Variants in DSN1 observed in about 807,000 individuals in gnomAD.
DSN1 encodes the protein kinetochore-associated protein DSN1 homolog.
Under a neutral mutation model 45.7 loss-of-function variants are expected in DSN1, and 31 were observed. That is an observed-to-expected ratio of 0.68 (90% confidence interval 0.51 to 0.92). DSN1 has a LOEUF of 0.92. Among genes scored for constraint, DSN1 ranks in the 40% least tolerant of loss-of-function variants. The probability of loss-of-function intolerance (pLI) is 0.00; values close to 1 mark genes in which losing one functional copy is unlikely to be tolerated. For synonymous variants in DSN1, 134 were observed against 142.3 expected, an observed-to-expected ratio of 0.94 and a Z score of 0.41; for missense variants, 394 against 414.2, an observed-to-expected ratio of 0.95 and a Z score of 0.42.
intron 5 of DSN1, among the ~76,000 whole-genome samples, chr20:36,766,194 C>CA (rs368772931): frequency 0.17 from 8,067 of 46,688 alleles, 551 homozygotes; most frequent in African/African-American, 0.28. Context: ...GACTCCATCT[C>CA]AAAAAAAAAA....
rs185095802 is a variant in DSN1, at chr20:36,753,533, G to A, written c.962-636C>T. Among the ~76,000 whole-genome samples, 63 of 150,328 alleles carry A rather than the reference G, an allele frequency of 4.2e-4. No homozygotes were observed. In the East Asian group the frequency reaches 0.012, roughly 28 times the overall value. The stretch of plus-strand genomic sequence containing the variant: ...CATGCCTGTAATCCCAGCTACTCAG[G>A]CAGCTGAGGTGGGAGAATATCTTGA... On this transcript the variant is annotated intron_variant, in intron 10 of 10. Coordinates refer to ENST00000373750, the MANE Select transcript of DSN1 (RefSeq NM_001145315.2).
chr20:36,762,363 G>A (rs757647904), intron 6 of DSN1, 98 bp downstream of exon 6: 1 of 1,011,414 alleles, frequency 9.9e-7, no homozygotes, highest in Admixed American at 2.7e-5. Context: ...GCCCACCTCG[G>A]CCTCCCAAAG....
intron 1 of DSN1, among the ~76,000 whole-genome samples, chr20:36,772,884 T>A (rs1408625183): frequency 6.6e-6 from 1 of 152,242 alleles, no homozygotes; most frequent in East Asian, 1.9e-4. Context: ...CCAGCCAGGC[T>A]GTATTTGTAT....
At chr20:36,772,536 G>A (rs1255850773) in intron 1 of DSN1, among the ~76,000 whole-genome samples, 5 of 151,656 alleles carry the variant, frequency 3.3e-5, no homozygotes, top group East Asian at 1.9e-4. Flanking sequence ...TGATCCGCCC[G>A]GCCTCAGCCT....
chr20:36,768,500 G>A (rs1048119307), intron 3 of DSN1, among the ~76,000 whole-genome samples: 1 of 152,188 alleles, frequency 6.6e-6, no homozygotes, highest in African/African-American at 2.4e-5. Context: ...CCAAGAGGTT[G>A]CAGTAGCTGA....
intron 6 of DSN1, 137 bp from the exon 7 acceptor site, chr20:36,758,754 C>T: frequency 1.3e-6 from 1 of 760,478 alleles, no homozygotes; most frequent in Non-Finnish European, 2.0e-6. Flanking sequence ...ATGGCACAAT[C>T]TTGGCTCTCT....
intron 3 of DSN1, among the ~76,000 whole-genome samples, chr20:36,769,171 C>G (rs559450632): frequency 3.9e-5 from 6 of 152,062 alleles, no homozygotes; most frequent in Non-Finnish European, 1.5e-5. Context: ...ATGTAGATAC[C>G]GTTTTTTAAA....
intron 1 of DSN1, chr20:36,773,338 A>G: frequency 1.0e-6 from 1 of 979,622 alleles, no homozygotes; most frequent in Non-Finnish European, 1.2e-6. Context: ...CTTGTGACAC[A>G]GCCAGCCTGG....
chr20:36,773,674 G>A lies in DSN1; in HGVS notation c.-28C>T. On this transcript the variant is annotated 5_prime_UTR_variant, in exon 1 of 11. Coordinates refer to ENST00000373750, the MANE Select transcript of DSN1 (RefSeq NM_001145315.2). ...GGAACCTCCGTACCTGAAACACAAG[G>A]CCACGGGTCGCTCTCCACAGCCCCA... The A allele has an allele frequency of 1.0e-6, 1 of 985,646 alleles. No individual in the cohort carries two copies. 61.1% of individuals were successfully genotyped at this position (985,646 alleles called of 1,614,324 possible).
rs925021109 is a variant in DSN1 at position 36,752,373 on chromosome 20, A to G, written c.*415T>C. The G allele has an allele frequency of 6.4e-6, 1 of 155,770 alleles. No homozygotes were observed. The highest frequency in any genetic ancestry group is 1.4e-5 in the Non-Finnish European group (1 of 70,496). 9.6% of individuals were successfully genotyped at this position (155,770 alleles called of 1,614,324 possible). A position where few individuals can be genotyped will look rare whatever the true frequency, so the allele number is the denominator to read the frequency against. ...CCAGCCTCAAAACTCTTCTACCTAA[A>G]ATCACCTTCAGAGCCATGCTAGAAA... On this transcript the variant is annotated 3_prime_UTR_variant, in exon 11 of 11. Coordinates refer to ENST00000373750, the MANE Select transcript of DSN1 (RefSeq NM_001145315.2).
intron 1 of DSN1, among the ~76,000 whole-genome samples, chr20:36,772,107 C>A (rs1444619487): frequency 2.7e-5 from 4 of 148,824 alleles, no homozygotes; most frequent in Non-Finnish European, 1.5e-5. Context: ...TCTCAAACTC[C>A]TGGCCTCAAG....
intron 3 of DSN1, 111 bp downstream of exon 3, chr20:36,770,762 T>C: frequency 3.3e-6 from 4 of 1,211,634 alleles, no homozygotes; most frequent in Non-Finnish European, 4.6e-6. Context: ...AAGTAGCAAG[T>C]CATGTCTATT....
intron 1 of DSN1, 109 bp from the exon 2 acceptor site, chr20:36,771,582 C>T: frequency 1.1e-6 from 1 of 941,284 alleles, no homozygotes; most frequent in Non-Finnish European, 1.6e-6. Flanking sequence ...CCTCTCTGAG[C>T]TACCCTTATC....
chr20:36,757,250 G>A (rs1986721696), intron 8 of DSN1, among the ~76,000 whole-genome samples: 1 of 152,062 alleles, frequency 6.6e-6, no homozygotes, highest in African/African-American at 2.4e-5. Flanking sequence ...CAGCTACTCG[G>A]GAGGCTGAGG....
chr20:36,766,207 A>AG (rs1474621058), intron 5 of DSN1, among the ~76,000 whole-genome samples: 1 of 151,610 alleles, frequency 6.6e-6, no homozygotes, highest in Non-Finnish European at 1.5e-5. Flanking sequence ...AAAAAAAAAA[A>AG]AAAAAGAAAA....
chr20:36,752,999 C>A, intron 10 of DSN1, 102 bp from the exon 11 acceptor site: 2 of 919,012 alleles, frequency 2.2e-6, no homozygotes, highest in South Asian at 2.9e-5. Context: ...AAGGGCATTA[C>A]AAAGACAAAT....
chr20:36,768,971 T>C (rs895481851), intron 3 of DSN1, among the ~76,000 whole-genome samples: 11 of 152,204 alleles, frequency 7.2e-5, no homozygotes, highest in Non-Finnish European at 1.0e-4. Context: ...TAAAAAGCAT[T>C]TTATGAAATG....
In DSN1 at chr20:36,768,048, A is replaced by G. The variant is rs1179267961; in HGVS notation, c.356-6T>C. On this transcript the variant is annotated splice_region_variant and splice_polypyrimidine_tract_variant and intron_variant, in intron 3 of 10. Coordinates refer to ENST00000373750, the MANE Select transcript of DSN1 (RefSeq NM_001145315.2). Reference sequence around the variant, plus strand: ...ACTGATAGACCGGCTGAGCTCTAACATAAAACATAGCCACATTTAAGGAGC... The same window carrying G: ...ACTGATAGACCGGCTGAGCTCTAACGTAAAACATAGCCACATTTAAGGAGC... 22 of 1,613,954 alleles carry G rather than the reference A, an allele frequency of 1.4e-5. No individual in the cohort carries two copies. Among genetic ancestry groups the G allele is most frequent in the Non-Finnish European group, 1.9e-5 (22 of 1,179,982 alleles).
rs905162605 is a variant in DSN1, at chr20:36,753,749, G to C, written c.962-852C>G. Among the ~76,000 whole-genome samples, 5 of 152,138 alleles carry C rather than the reference G, an allele frequency of 3.3e-5. No individual in the cohort carries two copies. The South Asian group carries it at 1.0e-3, about 32-fold the overall frequency. ...AGGCTGGGAGCAGTGGCTCATGCCT[G>C]TAATCCCAGCACTTTGGGAGGCCAA... is the stretch of plus-strand genomic sequence containing the variant. On this transcript the variant is annotated intron_variant, in intron 10 of 10. Transcript: ENST00000373750.
Sources: allele counts gnomAD v4.1 joint callset (sites outside exome capture counted in the v4.1 genomes callset), GRCh38; gene constraint gnomAD v4.1.1; transcripts MANE v1.5; gene names NCBI Gene and HGNC (gene_info 2026-07-23, HGNC 2026-07-21).